C5orf63: variants seen among roughly 807,000 people sequenced by gnomAD.
C5orf63 encodes glutaredoxin-like protein C5orf63.
A neutral mutation model predicts 13.3 loss-of-function variants in C5orf63; 18 were observed. The observed-to-expected ratio is 1.36, with a 90% confidence interval of 0.94 to 2.01. C5orf63 has a LOEUF of 2.01. C5orf63 is among the 30% of genes most tolerant of loss of function. The pLI, the probability that C5orf63 is intolerant of heterozygous loss-of-function variation, is 0.00. For synonymous variants in C5orf63, 38 were observed against 44.7 expected, an observed-to-expected ratio of 0.85 and a Z score of 0.60; for missense variants, 118 against 127.7, an observed-to-expected ratio of 0.92 and a Z score of 0.36.
chr5:127,046,547 G>A (rs528148079), downstream of C5orf63: 2 of 152,332 alleles, frequency 1.3e-5, no homozygotes, highest in Admixed American at 1.3e-4. Context: ...GCTTTTTGGA[G>A]GCGTGCCAGA....
chr5:127,057,115 T>G (rs1426342525), intron 3 of C5orf63, among the ~76,000 whole-genome samples: 4 of 152,212 alleles, frequency 2.6e-5, no homozygotes, highest in African/African-American at 9.6e-5. Flanking sequence ...GGTTTGCACA[T>G]GGGTTTCCCA....
At chr5:127,068,177 T>G (rs1194343295) in intron 2 of C5orf63, among the ~76,000 whole-genome samples, 1 of 152,154 alleles carries the variant, frequency 6.6e-6, no homozygotes, top group Non-Finnish European at 1.5e-5. Context: ...GCCTGGGGCT[T>G]TGGGCCTCAA....
intron 2 of C5orf63, among the ~76,000 whole-genome samples, chr5:127,065,955 T>C (rs770797069): frequency 3.9e-5 from 6 of 152,172 alleles, no homozygotes; most frequent in Admixed American, 6.5e-5. Context: ...GACTCTTTAA[T>C]GTCAGGCCAC....
At chr5:127,043,574 T>C (rs1753453580), downstream of C5orf63, 1 of 152,234 alleles carries the variant, frequency 6.6e-6, no homozygotes, top group South Asian at 2.1e-4. Flanking sequence ...CTAAATATCT[T>C]AATCTCCTCT....
intron 2 of C5orf63, among the ~76,000 whole-genome samples, chr5:127,061,563 C>G (rs958185575): frequency 2.0e-5 from 3 of 152,256 alleles, no homozygotes; most frequent in Admixed American, 2.0e-4. Flanking sequence ...TAAACAATTT[C>G]ATAACATTCT....
At chr5:127,047,993 T>C, downstream of C5orf63, 1 of 616,424 alleles carries the variant, frequency 1.6e-6, no homozygotes, top group Non-Finnish European at 2.9e-6. Flanking sequence ...GCCTACTTTC[T>C]GGACCCAATA....
Position 127,051,619 on chromosome 5 carries a change from C to T in C5orf63, c.*152G>A, listed in dbSNP as rs1005232872. The T allele has an allele frequency of 2.3e-6, 3 of 1,287,884 alleles. No individual in the cohort carries two copies. The highest frequency in any genetic ancestry group is 1.5e-5 in the African/African-American group (1 of 66,066). The allele number at this position is 1,287,884 out of a possible 1,614,324, so 79.8% of individuals were successfully genotyped here. A position where few individuals can be genotyped will look rare whatever the true frequency, so the allele number is the denominator to read the frequency against. ...GTTCCCACACTGATACTTCCATCAA[C>T]CAAAAGGGGAATGTCAACATTTATT... On this transcript the variant is annotated 3_prime_UTR_variant, in exon 5 of 5. Coordinates refer to ENST00000296662, the MANE Select transcript of C5orf63 (RefSeq NM_001164478.2).
chr5:127,049,639 T>C (rs891977554), downstream of C5orf63, among the ~76,000 whole-genome samples: 1 of 152,236 alleles, frequency 6.6e-6, no homozygotes, highest in African/African-American at 2.4e-5. Flanking sequence ...TCCCATCACC[T>C]ACTACGGTGC....
chr5:127,057,272 C>G (rs974769233), intron 3 of C5orf63, among the ~76,000 whole-genome samples: 1 of 152,152 alleles, frequency 6.6e-6, no homozygotes, highest in Non-Finnish European at 1.5e-5. Flanking sequence ...TATTAAATAA[C>G]TGTCATATAT....
chr5:127,054,618 T>C (rs1458840539), intron 3 of C5orf63, among the ~76,000 whole-genome samples: 1 of 152,252 alleles, frequency 6.6e-6, no homozygotes, highest in African/African-American at 2.4e-5. Flanking sequence ...TTAAGTTCTT[T>C]GTAGATTCTG....
chr5:127,065,342 C>T (rs1235735064), intron 2 of C5orf63, among the ~76,000 whole-genome samples: 17 of 152,098 alleles, frequency 1.1e-4, no homozygotes, highest in Admixed American at 7.2e-4. Context: ...AATACTGTAA[C>T]AGGGCCATAT....
At chr5:127,065,269 C>G (rs190671176) in intron 2 of C5orf63, among the ~76,000 whole-genome samples, 139 of 152,190 alleles carry the variant, frequency 9.1e-4, no homozygotes, top group African/African-American at 3.3e-3. Flanking sequence ...TTGATCCCAA[C>G]CCATGAAAAA....
downstream of C5orf63, chr5:127,048,035 C>T (rs1753561496): frequency 3.4e-6 from 2 of 592,626 alleles, no homozygotes; most frequent in African/African-American, 3.7e-5. Flanking sequence ...TTGGTACAGG[C>T]TGTGCAGGTT....
chr5:127,070,105 A>C (rs569399736), intron 2 of C5orf63, among the ~76,000 whole-genome samples: 1 of 152,292 alleles, frequency 6.6e-6, no homozygotes, highest in East Asian at 1.9e-4. Context: ...GGATGGAGAG[A>C]ATGAGGAAAG....
intron 2 of C5orf63, among the ~76,000 whole-genome samples, chr5:127,065,969 A>C (rs1754314868): frequency 2.0e-5 from 3 of 152,154 alleles, no homozygotes; most frequent in African/African-American, 7.2e-5. Flanking sequence ...AGGCCACTTG[A>C]GATGGTGATA....
At chr5:127,058,735 A>C in intron 3 of C5orf63, 147 bp downstream of exon 3, 1 of 602,070 alleles carries the variant, frequency 1.7e-6, no homozygotes, top group Non-Finnish European at 2.9e-6. Context: ...TCTGGGTAGA[A>C]AACTGAGTTG....
intron 2 of C5orf63, among the ~76,000 whole-genome samples, chr5:127,059,531 C>T (rs1411952145): frequency 1.3e-5 from 2 of 151,626 alleles, no homozygotes; most frequent in African/African-American, 4.8e-5. Flanking sequence ...AGTTCAAGAC[C>T]AGCCTGGGCA....
chr5:127,053,776 T>C (rs1561488713), intron 3 of C5orf63, among the ~76,000 whole-genome samples: 1 of 152,236 alleles, frequency 6.6e-6, no homozygotes, highest in Non-Finnish European at 1.5e-5. Flanking sequence ...TCCTTTTTTA[T>C]GGCTGCATAG....
chr5:127,052,947 C>A (rs907612613), intron 3 of C5orf63, among the ~76,000 whole-genome samples: 3 of 152,266 alleles, frequency 2.0e-5, no homozygotes, highest in Admixed American at 2.0e-4. Context: ...ATAATACATA[C>A]ATATAGATGT....
Sources: allele counts gnomAD v4.1 joint callset (sites outside exome capture counted in the v4.1 genomes callset), GRCh38; gene constraint gnomAD v4.1.1; transcripts MANE v1.5; gene names NCBI Gene and HGNC (gene_info 2026-07-23, HGNC 2026-07-21).